The following NXPH2 variants were observed in gnomAD, a reference collection of about 807,000 sequenced individuals.
NXPH2 encodes neurexophilin 2, also known as neurexophilin-2.
In NXPH2, 5 loss-of-function variants were observed where a neutral mutation model predicts 19.8. The ratio of observed to expected loss-of-function variants is 0.25; its 90% CI spans 0.13 to 0.53. The LOEUF is 0.53. NXPH2 is among the 20% of genes least tolerant of loss of function. The pLI is 0.96. For synonymous variants in NXPH2, 154 were observed against 127.4 expected (o/e 1.21, Z -1.41); for missense variants, 289 against 322.8 (o/e 0.90, Z 0.80).
intron 1 of NXPH2, among the ~76,000 whole-genome samples, chr2:138,712,729 T>C (rs987846999): frequency 2.6e-5 from 4 of 152,186 alleles, no homozygotes; most frequent in African/African-American, 4.8e-5. Context: ...TTGGCTATTG[T>C]GCCTCTGACC....
At chr2:138,749,694 C>A (rs66487011) in intron 1 of NXPH2, among the ~76,000 whole-genome samples, 20,705 of 152,088 alleles carry the variant, frequency 0.14, 1,664 homozygotes, top group East Asian at 0.2. Flanking sequence ...TTTTAAATCA[C>A]AAATAGTTAA....
intron 1 of NXPH2, among the ~76,000 whole-genome samples, chr2:138,774,287 T>C (rs1329145298): frequency 6.6e-6 from 1 of 152,184 alleles, no homozygotes; most frequent in Non-Finnish European, 1.5e-5. Flanking sequence ...TTGCTGATTA[T>C]ATGTTAAATA....
At chr2:138,779,690 C>T (rs1474717987) in intron 1 of NXPH2, among the ~76,000 whole-genome samples, 1 of 152,152 alleles carries the variant, frequency 6.6e-6, no homozygotes, top group African/African-American at 2.4e-5. Context: ...CCTAAGTTTT[C>T]TCCCAGCAAG....
chr2:138,762,958 A>C (rs1290622349), intron 1 of NXPH2, among the ~76,000 whole-genome samples: 1 of 152,238 alleles, frequency 6.6e-6, no homozygotes, highest in East Asian at 1.9e-4. Context: ...CATATACAGG[A>C]GAGCGTATTA....
chr2:138,703,649 A>C (rs3936092), intron 1 of NXPH2, among the ~76,000 whole-genome samples: 1 of 152,214 alleles, frequency 6.6e-6, no homozygotes, highest in Non-Finnish European at 1.5e-5. Flanking sequence ...AGTCTCAAGG[A>C]TTCTAATTCA....
chr2:138,707,167 G>A (rs1436989576), intron 1 of NXPH2, among the ~76,000 whole-genome samples: 1 of 137,330 alleles, frequency 7.3e-6, no homozygotes, highest in Non-Finnish European at 1.5e-5. Context: ...CAATATGGGT[G>A]AGTTTTATTT....
intron 1 of NXPH2, among the ~76,000 whole-genome samples, chr2:138,761,349 G>A (rs1435283985): frequency 6.6e-6 from 1 of 152,108 alleles, no homozygotes; most frequent in Non-Finnish European, 1.5e-5. Context: ...CTAGCAATGG[G>A]GCAAATCTGA....
chr2:138,698,241 A>T (rs1573958121), intron 1 of NXPH2, among the ~76,000 whole-genome samples: 1 of 152,282 alleles, frequency 6.6e-6, no homozygotes, highest in East Asian at 1.9e-4. Context: ...TTTAAATGAT[A>T]TGGGTTTTAA....
chr2:138,703,122 C>T (rs57858261), intron 1 of NXPH2, among the ~76,000 whole-genome samples: 4,472 of 152,184 alleles, frequency 0.029, 245 homozygotes, highest in African/African-American at 0.1. Context: ...TCTTTTATAT[C>T]GTCAGGACCC....
chr2:138,769,469 T>C (rs1682141542), intron 1 of NXPH2, among the ~76,000 whole-genome samples: 1 of 151,962 alleles, frequency 6.6e-6, no homozygotes, highest in South Asian at 2.1e-4. Flanking sequence ...ATAAGAGTGC[T>C]AGAAAGAGAA....
At chr2:138,680,758 A>ATAGT (rs1300259457) in intron 1 of NXPH2, among the ~76,000 whole-genome samples, 1 of 152,234 alleles carries the variant, frequency 6.6e-6, no homozygotes, top group Admixed American at 6.5e-5. Context: ...TTACTGGCTG[A>ATAGT]TAGTTGATAA....
intron 1 of NXPH2, among the ~76,000 whole-genome samples, chr2:138,778,448 C>T (rs933505749): frequency 1.6e-4 from 24 of 151,996 alleles, no homozygotes; most frequent in African/African-American, 5.3e-4. Flanking sequence ...CTGACTATGG[C>T]GGTGTGGAAA....
chr2:138,736,312 C>G (rs1681537695), intron 1 of NXPH2, among the ~76,000 whole-genome samples: 2 of 152,230 alleles, frequency 1.3e-5, no homozygotes, highest in Admixed American at 1.3e-4. Context: ...TTCCATACAT[C>G]CTCTGAAATA....
At chr2:138,686,371 A>G (rs1295904030) in intron 1 of NXPH2, among the ~76,000 whole-genome samples, 1 of 152,158 alleles carries the variant, frequency 6.6e-6, no homozygotes, top group East Asian at 1.9e-4. Flanking sequence ...AGGAAGAGGC[A>G]CTGTCTCTCT....
intron 1 of NXPH2, among the ~76,000 whole-genome samples, chr2:138,757,012 T>C (rs1681919537): frequency 6.6e-6 from 1 of 152,172 alleles, no homozygotes; most frequent in Admixed American, 6.5e-5. Flanking sequence ...TCTGAAGTAG[T>C]ATGTCTTTAA....
At chr2:138,732,379 T>G (rs570659427) in intron 1 of NXPH2, among the ~76,000 whole-genome samples, 26 of 152,292 alleles carry the variant, frequency 1.7e-4, no homozygotes, top group African/African-American at 6.3e-4. Flanking sequence ...ATCTGGGTCT[T>G]TTAAAAGGCA....
chr2:138,744,301 A>T (rs1204835271), intron 1 of NXPH2, among the ~76,000 whole-genome samples: 3 of 152,160 alleles, frequency 2.0e-5, no homozygotes, highest in Non-Finnish European at 4.4e-5. Context: ...GAAACTGATG[A>T]TTGGCTTCAT....
chr2:138,765,226 C>A (rs1682072660), intron 1 of NXPH2, among the ~76,000 whole-genome samples: 1 of 152,192 alleles, frequency 6.6e-6, no homozygotes, highest in South Asian at 2.1e-4. Flanking sequence ...CTCCAACACA[C>A]TCACTGTGAA....
intron 1 of NXPH2, among the ~76,000 whole-genome samples, chr2:138,687,397 G>C (rs1457695495): frequency 1.3e-5 from 2 of 151,932 alleles, no homozygotes; most frequent in Non-Finnish European, 1.5e-5. Flanking sequence ...TTTTGATGGG[G>C]TTGTTTTTTT....
Sources: allele counts gnomAD v4.1 joint callset (sites outside exome capture counted in the v4.1 genomes callset), GRCh38; gene constraint gnomAD v4.1.1; transcripts MANE v1.5; gene names NCBI Gene and HGNC (gene_info 2026-07-23, HGNC 2026-07-21).